Variants in CDYL observed in about 807,000 individuals in gnomAD.
CDYL encodes the protein chromodomain Y like.
In CDYL, 8 loss-of-function variants were observed where a neutral mutation model predicts 47.3. The ratio of observed to expected loss-of-function variants is 0.17; its 90% CI spans 0.10 to 0.31. The LOEUF (loss-of-function observed/expected upper bound fraction) is 0.31, where lower values mean the gene tolerates loss of function less well. Among genes scored for constraint, CDYL ranks in the 10% least tolerant of loss-of-function variants. CDYL has a pLI of 1.00. For missense variants in CDYL, 471 were observed against 701.4 expected (o/e 0.67, Z 3.71); for synonymous variants, 266 against 265.0 (o/e 1.00, Z -0.04).
intron 1 of CDYL, among the ~76,000 whole-genome samples, chr6:4,707,416 T>A (rs1757067003): frequency 6.6e-6 from 1 of 152,208 alleles, no homozygotes; most frequent in South Asian, 2.1e-4. Context: ...TAGCTGGGAC[T>A]ACAGGCATGT....
chr6:4,835,055 C>G (rs1478598265), intron 1 of CDYL, among the ~76,000 whole-genome samples: 1 of 152,148 alleles, frequency 6.6e-6, no homozygotes, highest in East Asian at 1.9e-4. Flanking sequence ...TCGTCTGAAG[C>G]CTTCTTTTCT....
chr6:4,810,280 C>G (rs780969781), intron 1 of CDYL, among the ~76,000 whole-genome samples: 1 of 152,122 alleles, frequency 6.6e-6, no homozygotes, highest in African/African-American at 2.4e-5. Flanking sequence ...GCATCAGTTC[C>G]GAAATGATTT....
chr6:4,812,402 G>A (rs756748405), intron 1 of CDYL, among the ~76,000 whole-genome samples: 2 of 152,206 alleles, frequency 1.3e-5, no homozygotes, highest in African/African-American at 2.4e-5. Context: ...TCTAGGGCAC[G>A]TCTTGTGTAC....
At chr6:4,772,549 A>G (rs1758352909), upstream of CDYL, among the ~76,000 whole-genome samples, 1 of 152,160 alleles carries the variant, frequency 6.6e-6, no homozygotes, top group African/African-American at 2.4e-5. Context: ...ATGGTTCTGT[A>G]TGCTTCTTTC....
chr6:4,907,548 G>A (rs981267795), intron 2 of CDYL, among the ~76,000 whole-genome samples: 2 of 151,822 alleles, frequency 1.3e-5, no homozygotes, highest in African/African-American at 4.8e-5. Context: ...GTAGGGATGG[G>A]GTTTCACCAT....
intron 1 of CDYL, among the ~76,000 whole-genome samples, chr6:4,839,032 C>T (rs2127457956): frequency 6.6e-6 from 1 of 152,304 alleles, no homozygotes; most frequent in African/African-American, 2.4e-5. Context: ...TGTACTAGTT[C>T]ACATTCCTGC....
intron 1 of CDYL, among the ~76,000 whole-genome samples, chr6:4,878,730 G>A (rs140783175): frequency 2.0e-5 from 3 of 151,234 alleles, no homozygotes; most frequent in Non-Finnish European, 4.4e-5. Flanking sequence ...AGCATCTTTT[G>A]GCTTTTTAAT....
At chr6:4,837,294 A>T (rs1374081602) in intron 1 of CDYL, among the ~76,000 whole-genome samples, 1 of 152,246 alleles carries the variant, frequency 6.6e-6, no homozygotes. Flanking sequence ...GAAAATTGTT[A>T]TACAATCTTT....
chr6:4,776,455 C>A lies in CDYL; in HGVS notation c.-329C>A. ...TACACCGGAGAGGGGAGCCGCGATC[C>A]GGCCGCGCCGCCCGCACGCCGCCGC... On this transcript the variant is annotated 5_prime_UTR_variant, in exon 1 of 7. Coordinates refer to ENST00000397588, the MANE Select transcript of CDYL (RefSeq NM_004824.4). 6.8e-6 allele frequency: 1 copy of A among 146,176 alleles called. No homozygotes were observed. The highest frequency in any genetic ancestry group is 1.9e-4 in the South Asian group (1 of 5,364). 9.1% of individuals were successfully genotyped at this position (146,176 alleles called of 1,614,324 possible).
At chr6:4,902,014 G>A (rs1444001908) in intron 2 of CDYL, among the ~76,000 whole-genome samples, 2 of 152,178 alleles carry the variant, frequency 1.3e-5, no homozygotes, top group Non-Finnish European at 2.9e-5. Flanking sequence ...TACGTTTCAA[G>A]GGGTGAGGTC....
intron 2 of CDYL, among the ~76,000 whole-genome samples, chr6:4,917,347 T>C (rs1561707490): frequency 6.6e-6 from 1 of 152,226 alleles, no homozygotes; most frequent in Non-Finnish European, 1.5e-5. Context: ...AGTATGTGGC[T>C]TGCTTTTAGG....
intron 2 of CDYL, among the ~76,000 whole-genome samples, chr6:4,732,510 A>G (rs1038701605): frequency 6.6e-6 from 1 of 151,816 alleles, no homozygotes; most frequent in African/African-American, 2.4e-5. Context: ...AAAAAATAAA[A>G]AATTCACTGG....
chr6:4,917,647 G>A (rs896348017), intron 2 of CDYL, among the ~76,000 whole-genome samples: 2 of 152,214 alleles, frequency 1.3e-5, no homozygotes, highest in Admixed American at 6.5e-5. Flanking sequence ...GTAGTCTGCT[G>A]TTAGAATACT....
chr6:4,830,053 T>G (rs1196964759), intron 1 of CDYL, among the ~76,000 whole-genome samples: 1 of 152,238 alleles, frequency 6.6e-6, no homozygotes, highest in African/African-American at 2.4e-5. Context: ...AATGTTTCTG[T>G]ATGAGAAGTC....
chr6:4,775,108 C>G (rs1758401749), upstream of CDYL, among the ~76,000 whole-genome samples: 2 of 152,078 alleles, frequency 1.3e-5, no homozygotes, highest in Admixed American at 1.3e-4. This position sits in a 1 kb window ranked among gnomAD's most constrained non-coding sequence, Gnocchi z 7.0. Context: ...CTTGTGGCTC[C>G]AAGGTAGGTT....
At chr6:4,737,514 G>A (rs1757724151) in intron 3 of CDYL, among the ~76,000 whole-genome samples, 1 of 151,796 alleles carries the variant, frequency 6.6e-6, no homozygotes, top group Non-Finnish European at 1.5e-5. Flanking sequence ...CAGCATGGTG[G>A]CACATGCCTG....
At chr6:4,928,560 G>A (rs2127514873) in intron 2 of CDYL, 1 of 152,152 alleles carries the variant, frequency 6.6e-6, no homozygotes, top group South Asian at 2.1e-4. Context: ...CATGAGTAAT[G>A]GGTAAAATTG....
chr6:4,886,631 A>G (rs1024552694), intron 1 of CDYL, among the ~76,000 whole-genome samples: 2 of 150,458 alleles, frequency 1.3e-5, no homozygotes, highest in African/African-American at 4.9e-5. Flanking sequence ...TATCAAAACA[A>G]TTTTTTTCCT....
intron 2 of CDYL, among the ~76,000 whole-genome samples, chr6:4,899,793 AC>A (rs1156668320): frequency 6.6e-6 from 1 of 152,192 alleles, no homozygotes; most frequent in Non-Finnish European, 1.5e-5. Flanking sequence ...AGTTTAGGGA[AC>A]GAACCCTGCC....
Sources: allele counts gnomAD v4.1 joint callset (sites outside exome capture counted in the v4.1 genomes callset), GRCh38; gene constraint gnomAD v4.1.1; non-coding constraint Gnocchi (gnomAD v3.1); transcripts MANE v1.5; gene names NCBI Gene and HGNC (gene_info 2026-07-23, HGNC 2026-07-21).